The following KSR2 variants were observed in gnomAD, a reference collection of about 807,000 sequenced individuals.
The protein encoded by KSR2 is kinase suppressor of ras 2.
Under a neutral mutation model 107.8 loss-of-function variants are expected in KSR2, and 25 were observed. The ratio of observed to expected loss-of-function variants is 0.23; its 90% CI spans 0.17 to 0.32. The LOEUF (loss-of-function observed/expected upper bound fraction) is 0.32. Among genes scored for constraint, KSR2 ranks in the 10% least tolerant of loss-of-function variants. The pLI is 1.00. For synonymous variants in KSR2, 480 were observed against 507.0 expected, an observed-to-expected ratio of 0.95 and a Z score of 0.71; for missense variants, 887 against 1,268.9, an observed-to-expected ratio of 0.70 and a Z score of 4.57.
At chr12:117,643,932 A>C (rs1444989025) in intron 5 of KSR2, among the ~76,000 whole-genome samples, 1 of 152,224 alleles carries the variant, frequency 6.6e-6, no homozygotes, top group Non-Finnish European at 1.5e-5. Flanking sequence ...CTGTTGAATG[A>C]ATGAATGAAT....
chr12:117,783,458 T>C (rs890466753), intron 3 of KSR2, among the ~76,000 whole-genome samples: 3 of 152,196 alleles, frequency 2.0e-5, no homozygotes, highest in Non-Finnish European at 4.4e-5. Context: ...ACCCACCTCA[T>C]AGGATTGTTT....
intron 1 of KSR2, among the ~76,000 whole-genome samples, chr12:117,869,278 G>T (rs2954822): frequency 6.6e-6 from 1 of 151,908 alleles, no homozygotes; most frequent in East Asian, 2.0e-4. Context: ...AGCCTGAGGT[G>T]GGACAATTGC....
rs756308456 is a variant in KSR2 at position 117,855,332 on chromosome 12, C to G, written c.472+96G>C. 3.0e-4 allele frequency: 460 copies of G among 1,525,004 alleles called. 1 individual carries two copies. The Middle Eastern group carries it at 3.3e-3, about 11-fold the overall frequency. 94.5% of individuals were successfully genotyped at this position (1,525,004 alleles called of 1,614,324 possible). A position where few individuals can be genotyped will look rare whatever the true frequency, so the allele number is the denominator to read the frequency against. On this transcript the variant is annotated intron_variant, in intron 3 of 19. Coordinates refer to ENST00000339824, the MANE Select transcript of KSR2 (RefSeq NM_173598.6). ...TTGCCCCCCAGGGTTGACTCTGTCT[C>G]GTCCTGGCCTGCAGTGGCGGGCACG...
intron 3 of KSR2, among the ~76,000 whole-genome samples, chr12:117,785,333 T>C (rs1484342030): frequency 7.0e-6 from 1 of 141,856 alleles, no homozygotes; most frequent in Non-Finnish European, 1.5e-5. Flanking sequence ...GAGAATTGCT[T>C]GAACCCGGGA....
intron 3 of KSR2, among the ~76,000 whole-genome samples, chr12:117,777,088 T>TTATATATATATATA (rs1288633301): frequency 0.011 from 1,492 of 132,392 alleles, 20 homozygotes; most frequent in African/African-American, 0.029. Context: ...TATATATATT[T>TTATATATATATATA]TATATATATA....
intron 4 of KSR2, among the ~76,000 whole-genome samples, chr12:117,754,319 G>T (rs1207096103): frequency 6.6e-6 from 1 of 152,096 alleles, no homozygotes; most frequent in East Asian, 1.9e-4. Context: ...GTGCCTGAGA[G>T]CACCAAGGAT....
chr12:117,956,742 C>T (rs544227060), intron 1 of KSR2, among the ~76,000 whole-genome samples: 40 of 152,202 alleles, frequency 2.6e-4, no homozygotes, highest in Non-Finnish European at 4.9e-4. Context: ...GCCTGGGCAA[C>T]ATAGTGAGAC....
intron 4 of KSR2, among the ~76,000 whole-genome samples, chr12:117,679,806 G>A (rs1174461676): frequency 1.3e-5 from 2 of 152,012 alleles, no homozygotes; most frequent in South Asian, 2.1e-4. Context: ...CTAGAACAGG[G>A]GTTCTAGAAG....
chr12:117,877,345 A>T (rs1415054687), intron 1 of KSR2, among the ~76,000 whole-genome samples: 1 of 152,098 alleles, frequency 6.6e-6, no homozygotes, highest in Non-Finnish European at 1.5e-5. Flanking sequence ...TCAAAAAAAA[A>T]CTTTCCGATT....
rs58326707 is a variant in KSR2, at chr12:117,843,929, C to CTTT, written c.472+11496_472+11498dup. On this transcript the variant is annotated intron_variant, in intron 3 of 19. Coordinates refer to ENST00000339824, the MANE Select transcript of KSR2 (RefSeq NM_173598.6). ...ACCTTTCTCTGAATCTTAAGCTTCC[C>CTTT]TTTTTTTTTTTTTTTTTTTGAGCTT... 1.0e-3 allele frequency among the ~76,000 whole-genome samples: 133 copies of CTTT among 127,516 alleles called. 3 individuals are homozygous for CTTT. Among genetic ancestry groups the CTTT allele is most frequent in the African/African-American group, 2.3e-3 (80 of 34,140 alleles). The allele number at this position is 127,516 out of a possible 152,430, so 83.7% of individuals were successfully genotyped here.
chr12:117,950,043 G>A (rs12371098), intron 1 of KSR2, among the ~76,000 whole-genome samples: 15,539 of 151,302 alleles, frequency 0.1, 1,044 homozygotes, highest in Admixed American at 0.16. Context: ...GGGAGATCTC[G>A]GCTCACTGCA....
intron 1 of KSR2, among the ~76,000 whole-genome samples, chr12:117,915,643 T>TCTC (rs1433962114): frequency 6.6e-6 from 1 of 152,156 alleles, no homozygotes; most frequent in Non-Finnish European, 1.5e-5. Flanking sequence ...AACAGTCTTA[T>TCTC]CTCCATATCC....
intron 14 of KSR2, among the ~76,000 whole-genome samples, chr12:117,512,377 C>G (rs1874077190): frequency 1.3e-5 from 2 of 152,188 alleles, no homozygotes; most frequent in African/African-American, 4.8e-5. Flanking sequence ...GTCCTCTTCT[C>G]TTCTCAGCTT....
rs182373541 is a variant in KSR2, at chr12:117,683,620, C to T, written c.987-15962G>A. Among the ~76,000 whole-genome samples, 3 of 152,334 alleles carry T rather than the reference C, an allele frequency of 2.0e-5. No individual in the cohort carries two copies. In the East Asian group the frequency reaches 5.8e-4, roughly 29 times the overall value. ...TGCTTATTTTAGAGATTAAACTTCG[C>T]TCAGTGACAAATCATCTCTTGATAC... On this transcript the variant is annotated intron_variant, in intron 4 of 19. Coordinates refer to ENST00000339824, the MANE Select transcript of KSR2 (RefSeq NM_173598.6).
chr12:117,793,856 C>T (rs1277152782), intron 3 of KSR2, among the ~76,000 whole-genome samples: 10 of 141,652 alleles, frequency 7.1e-5, no homozygotes, highest in Middle Eastern at 4.6e-3. Context: ...TCATACCATG[C>T]GCATATACAC....
At chr12:117,880,647 C>T (rs1441480388) in intron 1 of KSR2, among the ~76,000 whole-genome samples, 1 of 151,526 alleles carries the variant, frequency 6.6e-6, no homozygotes, top group Admixed American at 6.6e-5. Flanking sequence ...GAAAACCTGC[C>T]GGAGGAAGCC....
chr12:117,906,402 A>G (rs143117692), intron 1 of KSR2, among the ~76,000 whole-genome samples: 50 of 148,964 alleles, frequency 3.4e-4, no homozygotes, highest in African/African-American at 1.1e-3. Flanking sequence ...TGAGATCAGG[A>G]GTTCGAGACC....
chr12:117,667,584 T>G lies in KSR2; in HGVS notation c.1061A>C (p.Gln354Pro). 1.9e-6 allele frequency: 3 copies of G among 1,613,408 alleles called. No homozygotes were observed. The highest frequency in any genetic ancestry group is 2.5e-6 in the Non-Finnish European group (3 of 1,179,706). Residue 354 changes from glutamine (Q) to proline (P), a missense_variant, in exon 5 of 20, where the codon CAG (glutamine) becomes CCG (proline). Physicochemically the swap from Gln to Pro is moderately conservative, Grantham distance 76 (BLOSUM62 -1). This residue lies in a region of KSR2 where 399 missense variants were observed against 479.5 expected (regional missense o/e 0.83). Coordinates refer to ENST00000339824, the MANE Select transcript of KSR2 (RefSeq NM_173598.6). ...SVGSCENIPS[Q>P]QRSPLLSERS... ...CTCGGACAGCAGCGGGGAGCGCTGC[T>G]GAGAGGGGATGTTCTCGCAGCTGCC...
chr12:117,638,198 C>T (rs567862559), intron 5 of KSR2, among the ~76,000 whole-genome samples: 35 of 152,290 alleles, frequency 2.3e-4, no homozygotes, highest in African/African-American at 8.4e-4. Flanking sequence ...TATTATGCTG[C>T]TCTCTTCCCA....
Sources: allele counts gnomAD v4.1 joint callset (sites outside exome capture counted in the v4.1 genomes callset), GRCh38; gene constraint gnomAD v4.1.1; regional missense constraint gnomAD v4.1.1; transcripts MANE v1.5; gene names NCBI Gene and HGNC (gene_info 2026-07-23, HGNC 2026-07-21).